Variants in ARHGAP35 observed in about 807,000 individuals in gnomAD.
ARHGAP35 encodes rho GTPase-activating protein 35.
ARHGAP35 carries 15 observed loss-of-function variants against 111.1 expected under a neutral mutation model. The observed-to-expected ratio is 0.13, with a 90% CI of 0.09 to 0.21. The LOEUF (loss-of-function observed/expected upper bound fraction) is 0.21. Ranked by LOEUF, ARHGAP35 falls within the 10% of genes least tolerant of loss-of-function variation. The pLI, the probability that ARHGAP35 is intolerant of heterozygous loss-of-function variation, is 1.00. For synonymous variants in ARHGAP35, 643 were observed against 710.3 expected, an observed-to-expected ratio of 0.91 and a Z score of 1.51; for missense variants, 1,262 against 1,873.0, an observed-to-expected ratio of 0.67 and a Z score of 6.02.
chr19:46,894,647 T>C (rs1026739856), intron 1 of ARHGAP35, among the ~76,000 whole-genome samples: 1 of 152,136 alleles, frequency 6.6e-6, no homozygotes, highest in African/African-American at 2.4e-5. Flanking sequence ...GATTTCACCA[T>C]GTTGACCAGG....
intron 1 of ARHGAP35, among the ~76,000 whole-genome samples, chr19:46,863,676 G>T (rs955070951): frequency 6.7e-6 from 1 of 149,028 alleles, no homozygotes. Context: ...CTCCCCCCCA[G>T]CTAACAAGTT....
At chr19:46,927,516 C>T (rs1203016740) in intron 2 of ARHGAP35, among the ~76,000 whole-genome samples, 1 of 152,174 alleles carries the variant, frequency 6.6e-6, no homozygotes, top group Non-Finnish European at 1.5e-5. Context: ...GAAAGAACTT[C>T]ATGTGTTCAA....
intron 1 of ARHGAP35, among the ~76,000 whole-genome samples, chr19:46,888,449 G>A (rs2056007431): frequency 6.7e-6 from 1 of 148,820 alleles, no homozygotes; most frequent in Non-Finnish European, 1.5e-5. Flanking sequence ...GGTAACGGTG[G>A]CTGTGGTTTG....
At position 46,994,363 on chromosome 19, in the gene ARHGAP35, G is replaced by A. The variant is rs1318553351; in HGVS notation, c.4036+4688G>A. Reference sequence around the variant, plus strand: ...GAGTGTGCCGCTGCCCTGTGACCAGGTCCACACAGACTGTGGCCCCAGCCT... The same window carrying A: ...GAGTGTGCCGCTGCCCTGTGACCAGATCCACACAGACTGTGGCCCCAGCCT... On this transcript the variant is annotated intron_variant, in intron 5 of 6. Coordinates refer to ENST00000672722, the MANE Select transcript of ARHGAP35 (RefSeq NM_004491.5). The surrounding 1 kb of genome is among the most constrained non-coding windows in gnomAD (Gnocchi z 5.4). 6.6e-6 allele frequency among the ~76,000 whole-genome samples: 1 copy of A among 152,204 alleles called. No homozygotes were observed. The highest frequency in any genetic ancestry group is 1.5e-5 in the Non-Finnish European group (1 of 68,026).
intron 1 of ARHGAP35, among the ~76,000 whole-genome samples, chr19:46,894,821 A>T (rs910361833): frequency 2.0e-5 from 3 of 152,070 alleles, no homozygotes; most frequent in Non-Finnish European, 4.4e-5. Context: ...CCGTTTTGTA[A>T]TGGTCCTTGA....
intron 2 of ARHGAP35, among the ~76,000 whole-genome samples, chr19:46,930,529 C>A (rs991468355): frequency 7.1e-6 from 1 of 141,450 alleles, no homozygotes. Context: ...TTTTTTATTT[C>A]CTTTATTAGA....
chr19:47,001,140 C>T lies in ARHGAP35; in HGVS notation c.*452C>T. 1 of 1,225,984 alleles carries T rather than the reference C, an allele frequency of 8.2e-7. No individual in the cohort carries two copies. The highest frequency in any genetic ancestry group is 5.6e-5 in the East Asian group (1 of 17,840). The allele number at this position is 1,225,984 out of a possible 1,614,324, so 75.9% of individuals were successfully genotyped here. ...CTGTTGGTCTGTCTCTTCCCACCTT[C>T]CATCTGCACACACCCCCAAGGTAAG... On this transcript the variant is annotated 3_prime_UTR_variant, in exon 7 of 7. Transcript: ENST00000672722. This position sits in a 1 kb window ranked among gnomAD's most constrained non-coding sequence, Gnocchi z 5.4.
At chr19:46,943,528 C>T (rs991578569) in intron 3 of ARHGAP35, among the ~76,000 whole-genome samples, 1 of 152,198 alleles carries the variant, frequency 6.6e-6, no homozygotes, top group African/African-American at 2.4e-5. Context: ...GCCACCTGCC[C>T]TCTCACCCCA....
intron 2 of ARHGAP35, among the ~76,000 whole-genome samples, chr19:46,931,417 A>C (rs1264286104): frequency 6.6e-6 from 1 of 152,074 alleles, no homozygotes; most frequent in African/African-American, 2.4e-5. Flanking sequence ...CTGGGCTTAC[A>C]GCCGAGTGGG....
At chr19:46,906,551 A>G (rs2056109016) in intron 1 of ARHGAP35, among the ~76,000 whole-genome samples, 1 of 152,240 alleles carries the variant, frequency 6.6e-6, no homozygotes, top group Non-Finnish European at 1.5e-5. Flanking sequence ...AGTATGTACG[A>G]TTTGAACAAC....
intron 1 of ARHGAP35, among the ~76,000 whole-genome samples, chr19:46,907,478 T>TTTGTTTG (rs1568464562): frequency 1.4e-5 from 2 of 147,484 alleles, no homozygotes; most frequent in African/African-American, 5.0e-5. Flanking sequence ...TAGCTTCTTT[T>TTTGTTTG]TTTGTTTGTT....
chr19:46,985,776 G>T (rs1346426370), intron 3 of ARHGAP35, among the ~76,000 whole-genome samples: 1 of 152,088 alleles, frequency 6.6e-6, no homozygotes, highest in African/African-American at 2.4e-5. Context: ...TGTCCCTGGG[G>T]TTGGTCCATT....
At chr19:46,874,945 G>A (rs2055909365) in intron 1 of ARHGAP35, among the ~76,000 whole-genome samples, 1 of 150,674 alleles carries the variant, frequency 6.6e-6, no homozygotes, top group Non-Finnish European at 1.5e-5. Flanking sequence ...CTGAGTAGCT[G>A]GGATTACAGG....
At position 46,918,641 on chromosome 19, in the gene ARHGAP35, T is replaced by G. The variant is rs2056177543; in HGVS notation, c.-35T>G. 6.3e-7 allele frequency: 1 copy of G among 1,588,942 alleles called. No individual in the cohort carries two copies. Among genetic ancestry groups the G allele is most frequent in the Non-Finnish European group, 8.6e-7 (1 of 1,165,362 alleles). On this transcript the variant is annotated 5_prime_UTR_variant, in exon 2 of 7. Transcript: ENST00000672722. This position sits in a 1 kb window ranked among gnomAD's most constrained non-coding sequence, Gnocchi z 5.4. Reference sequence around the variant, plus strand: ...GTCCATTGGAAACACTAATCTGATCTCAGAAGTGGCTGATCGTGGCAGGAT... The same window carrying G: ...GTCCATTGGAAACACTAATCTGATCGCAGAAGTGGCTGATCGTGGCAGGAT...
Position 47,001,521 on chromosome 19 carries a change from G to A in ARHGAP35, c.*833G>A, listed in dbSNP as rs931009018. 3.8e-5 allele frequency: 29 copies of A among 762,570 alleles called. No individual in the cohort carries two copies. In the East Asian group the frequency reaches 1.5e-3, roughly 39 times the overall value. 47.2% of individuals were successfully genotyped at this position (762,570 alleles called of 1,614,324 possible). ...GGAGCTGACCCTCGTCTTTGTGGCA[G>A]CAAAACCAGGATGCCTGGAGCTGTG... is the stretch of plus-strand genomic sequence containing the variant. On this transcript the variant is annotated 3_prime_UTR_variant, in exon 7 of 7. Coordinates refer to ENST00000672722, the MANE Select transcript of ARHGAP35 (RefSeq NM_004491.5). This position sits in a 1 kb window ranked among gnomAD's most constrained non-coding sequence, Gnocchi z 5.4.
At position 46,918,239 on chromosome 19, in the gene ARHGAP35, C is replaced by T. The variant is rs118004107; in HGVS notation, c.-188-249C>T. On this transcript the variant is annotated intron_variant, in intron 1 of 6. Transcript: ENST00000672722. This position sits in a 1 kb window ranked among gnomAD's most constrained non-coding sequence, Gnocchi z 5.4. ...GCCCTTTTTCCAGGGAGCCCTCACA[C>T]CCTTGTTTTAGCACTTAGCACACTG... 1.5e-3 allele frequency among the ~76,000 whole-genome samples: 221 copies of T among 152,190 alleles called. 1 individual carries two copies. The highest frequency in any genetic ancestry group is 2.6e-3 in the Non-Finnish European group (180 of 67,994).
In ARHGAP35 at chr19:46,926,635, A is replaced by T. The variant is rs1014643196; in HGVS notation, c.3681+4279A>T. Among the ~76,000 whole-genome samples, 3 of 152,198 alleles carry T rather than the reference A, an allele frequency of 2.0e-5. No individual in the cohort carries two copies. Among genetic ancestry groups the T allele is most frequent in the Non-Finnish European group, 4.4e-5 (3 of 68,036 alleles). ...TGTGTTCTTATTTTGGTGCTAAAAA[A>T]AAAAAGACAAAACAGAATGATAAAG... On this transcript the variant is annotated intron_variant, in intron 2 of 6. Coordinates refer to ENST00000672722, the MANE Select transcript of ARHGAP35 (RefSeq NM_004491.5). This position sits in a 1 kb window ranked among gnomAD's most constrained non-coding sequence, Gnocchi z 4.1.
chr19:46,977,758 C>T (rs527505766), intron 3 of ARHGAP35, among the ~76,000 whole-genome samples: 6 of 152,156 alleles, frequency 3.9e-5, no homozygotes, highest in African/African-American at 7.2e-5. Context: ...TCGGACTGCC[C>T]GGGTGTGAAT....
chr19:46,890,565 A>G (rs899651717), intron 1 of ARHGAP35, among the ~76,000 whole-genome samples: 2 of 152,242 alleles, frequency 1.3e-5, no homozygotes, highest in African/African-American at 2.4e-5. Flanking sequence ...TAGAGGATAT[A>G]CAGGGTAGAA....
Sources: gnomAD v4.1 joint callset for allele counts (sites outside exome capture counted in the v4.1 genomes callset) on GRCh38, gnomAD v4.1.1 for gene constraint, Gnocchi (gnomAD v3.1) non-coding constraint, MANE v1.5 for transcripts, NCBI Gene and HGNC (gene_info 2026-07-23, HGNC 2026-07-21) for gene names.